Variants in GNA13 observed in about 807,000 individuals in gnomAD.
The protein encoded by GNA13 is guanine nucleotide-binding protein subunit alpha-13.
Under a neutral mutation model 33.5 loss-of-function variants are expected in GNA13, and 4 were observed. The observed-to-expected ratio is 0.12, with a 90% CI of 0.06 to 0.27. The LOEUF is 0.27. GNA13 is among the 10% of genes least tolerant of loss of function. The probability of loss-of-function intolerance (pLI) is 1.00; values close to 1 mark genes in which losing one functional copy is unlikely to be tolerated. For synonymous variants in GNA13, 176 were observed against 183.8 expected (o/e 0.96, Z 0.34); for missense variants, 319 against 487.2 (o/e 0.65, Z 3.25).
intron 2 of GNA13, among the ~76,000 whole-genome samples, chr17:65,029,477 G>A (rs1408967899): frequency 1.3e-5 from 2 of 152,166 alleles, no homozygotes; most frequent in Non-Finnish European, 2.9e-5. Flanking sequence ...AAGGGTCAGG[G>A]AAGTTAGGTG....
At chr17:65,030,343 CTGG>C (rs1186978337) in intron 2 of GNA13, among the ~76,000 whole-genome samples, 2 of 152,230 alleles carry the variant, frequency 1.3e-5, no homozygotes, top group African/African-American at 4.8e-5. Flanking sequence ...TCTCCAGATG[CTGG>C]TGAAGAATCA....
At chr17:65,033,367 T>C (rs1013710393) in intron 2 of GNA13, among the ~76,000 whole-genome samples, 2 of 151,688 alleles carry the variant, frequency 1.3e-5, no homozygotes, top group Non-Finnish European at 2.9e-5. Flanking sequence ...GGTAGACCTG[T>C]AGTCCAGCTA....
At chr17:65,021,510 T>C (rs1482881677) in intron 2 of GNA13, among the ~76,000 whole-genome samples, 2 of 152,234 alleles carry the variant, frequency 1.3e-5, no homozygotes, top group Non-Finnish European at 2.9e-5. Context: ...GAGAGAGGCT[T>C]AGCAGCTTAT....
At chr17:65,031,896 A>AGAGAGAGAGAGAG (rs1907040820) in intron 2 of GNA13, among the ~76,000 whole-genome samples, 2 of 71,334 alleles carry the variant, frequency 2.8e-5, no homozygotes, top group Non-Finnish European at 6.0e-5. Flanking sequence ...GAGAGAGAGA[A>AGAGAGAGAGAGAG]AGAGAGAGAG....
At chr17:65,036,586 G>A (rs947527564) in intron 2 of GNA13, among the ~76,000 whole-genome samples, 2 of 152,226 alleles carry the variant, frequency 1.3e-5, no homozygotes, top group Non-Finnish European at 2.9e-5. Flanking sequence ...CGTGCCTGTA[G>A]TCCCAGCTAC....
Position 65,019,829 on chromosome 17 carries a change from T to C in GNA13, c.511-1526A>G, listed in dbSNP as rs564101104. On this transcript the variant is annotated intron_variant, in intron 2 of 3. Transcript: ENST00000439174. The stretch of plus-strand genomic sequence containing the variant: ...TTTAGAAATAACCAAAAGAGTATAA[T>C]TGGATTGTTTGTAACATAAAGGATA... Among the ~76,000 whole-genome samples the C allele has an allele frequency of 2.1e-3, 313 of 152,286 alleles. 3 individuals carry two copies. Among genetic ancestry groups the C allele is most frequent in the African/African-American group, 6.4e-3 (265 of 41,560 alleles).
At chr17:65,028,181 G>C (rs1403594933) in intron 2 of GNA13, among the ~76,000 whole-genome samples, 1 of 152,086 alleles carries the variant, frequency 6.6e-6, no homozygotes, top group Admixed American at 6.5e-5. Context: ...AGCTGAGATC[G>C]CGTCACTGCA....
At chr17:65,050,139 C>T (rs1025270548) in intron 2 of GNA13, among the ~76,000 whole-genome samples, 6 of 152,120 alleles carry the variant, frequency 3.9e-5, no homozygotes, top group Admixed American at 2.0e-4. Context: ...TCTGAGCAAA[C>T]CAATGCTGTG....
At chr17:65,018,092 TAAAAAAAAAAAAAAA>T (rs767082596) in intron 3 of GNA13, among the ~76,000 whole-genome samples, 146 bp downstream of exon 3, 17 of 21,508 alleles carry the variant, frequency 7.9e-4, no homozygotes, top group African/African-American at 1.3e-3. Context: ...ACGCCACCAC[TAAAAAAAAAAAAAAA>T]AAAAAAAAAA....
chr17:65,018,417 G>C lies in GNA13; in HGVS notation c.511-114C>G, dbSNP rs544936365. ...ACTTAACCCAAACAGACTTTGTTTA[G>C]TCACCAATTTCAGACAGCTAACCTT... On this transcript the variant is annotated intron_variant, in intron 2 of 3. Coordinates refer to ENST00000439174, the MANE Select transcript of GNA13 (RefSeq NM_006572.6). 311 of 694,166 alleles carry C rather than the reference G, an allele frequency of 4.5e-4. 1 individual carries two copies. Among genetic ancestry groups the C allele is most frequent in the Non-Finnish European group, 7.5e-4 (286 of 379,436 alleles). 43.0% of individuals were successfully genotyped at this position (694,166 alleles called of 1,614,324 possible).
rs1366054145 is a variant in GNA13 at position 65,018,382 on chromosome 17, C to G, written c.511-79G>C. 3 of 796,182 alleles carry G rather than the reference C, an allele frequency of 3.8e-6. No homozygotes were observed. The African/African-American group carries it at 5.1e-5, about 14-fold the overall frequency. The allele number at this position is 796,182 out of a possible 1,614,324, so 49.3% of individuals were successfully genotyped here. A position where few individuals can be genotyped will look rare whatever the true frequency, so the allele number is the denominator to read the frequency against. On this transcript the variant is annotated intron_variant, in intron 2 of 3. Transcript: ENST00000439174. ...GTTACAACAGTTTACATCATACTGTCTGGTTGTACACTTAACCCAAACAGA... is the reference window on the plus strand; with the variant it reads ...GTTACAACAGTTTACATCATACTGTGTGGTTGTACACTTAACCCAAACAGA...
intron 1 of GNA13, 46 bp downstream of exon 1, chr17:65,056,265 C>T: frequency 3.9e-6 from 5 of 1,288,362 alleles, no homozygotes; most frequent in Non-Finnish European, 5.4e-6. Flanking sequence ...GCCGCCGCCC[C>T]AGCCCCCCTG....
intron 2 of GNA13, among the ~76,000 whole-genome samples, chr17:65,040,472 T>C (rs7207420): frequency 0.96 from 146,650 of 152,290 alleles, 70,853 homozygotes; most frequent in East Asian, 1. Flanking sequence ...TTAGGATAAA[T>C]GGTATTTGCA....
At position 65,010,379 on chromosome 17, in the gene GNA13, G is replaced by A. The variant is rs537568707; in HGVS notation, c.*3878C>T. Among the ~76,000 whole-genome samples the A allele has an allele frequency of 3.4e-4, 52 of 151,666 alleles. No individual in the cohort carries two copies. Among genetic ancestry groups the A allele is most frequent in the African/African-American group, 1.2e-3 (51 of 41,344 alleles). ...ACATTTATTAATAAGCCCTAACCTC[G>A]TACCATAAAAAAATGGGCATGTGCT... On this transcript the variant is annotated 3_prime_UTR_variant, in exon 4 of 4. Transcript: ENST00000439174.
At chr17:65,018,714 T>C (rs980436967) in intron 2 of GNA13, among the ~76,000 whole-genome samples, 4 of 152,192 alleles carry the variant, frequency 2.6e-5, no homozygotes, top group Admixed American at 2.0e-4. Flanking sequence ...ACGATAGTTA[T>C]CTTCAGAGAC....
chr17:65,054,961 G>C (rs980595315), intron 1 of GNA13, among the ~76,000 whole-genome samples: 2 of 151,438 alleles, frequency 1.3e-5, no homozygotes, highest in African/African-American at 4.9e-5. Context: ...GCTAGAGCTG[G>C]CTGTGGTCTA....
intron 2 of GNA13, among the ~76,000 whole-genome samples, chr17:65,021,918 G>A (rs1906595596): frequency 6.6e-6 from 1 of 152,158 alleles, no homozygotes; most frequent in South Asian, 2.1e-4. Context: ...CCTCAACACA[G>A]TACCACTGAA....
chr17:65,055,612 GA>G, intron 1 of GNA13: 2 of 985,322 alleles, frequency 2.0e-6, no homozygotes, highest in Non-Finnish European at 2.4e-6. Context: ...ACACTGGGGC[GA>G]AAAAGCACAG....
At chr17:65,025,631 T>C (rs988453855) in intron 2 of GNA13, among the ~76,000 whole-genome samples, 3 of 152,144 alleles carry the variant, frequency 2.0e-5, no homozygotes, top group Non-Finnish European at 4.4e-5. Context: ...GCTTCTATAA[T>C]AGACACCTAA....
Sources: gnomAD v4.1 joint callset for allele counts (sites outside exome capture counted in the v4.1 genomes callset) on GRCh38, gnomAD v4.1.1 for gene constraint, MANE v1.5 for transcripts, NCBI Gene and HGNC (gene_info 2026-07-23, HGNC 2026-07-21) for gene names.